PIK3C2G: variants seen among roughly 807,000 people sequenced by gnomAD.
The protein encoded by PIK3C2G is phosphatidylinositol 3-kinase C2 domain-containing subunit gamma.
In PIK3C2G, 168 loss-of-function variants were observed where a neutral mutation model predicts 181.1. The observed-to-expected ratio is 0.93, with a 90% CI of 0.82 to 1.05. The LOEUF (loss-of-function observed/expected upper bound fraction) is 1.05. Among genes scored for constraint, PIK3C2G ranks in the 50% least tolerant of loss-of-function variants. The pLI is 0.00. For synonymous variants in PIK3C2G, 573 were observed against 592.2 expected, an observed-to-expected ratio of 0.97 and a Z score of 0.47; for missense variants, 1,869 against 1,732.8, an observed-to-expected ratio of 1.08 and a Z score of -1.40.
intron 31 of PIK3C2G, among the ~76,000 whole-genome samples, chr12:18,614,567 G>A (rs947100225): frequency 3.3e-5 from 5 of 152,020 alleles, no homozygotes; most frequent in African/African-American, 9.7e-5. Context: ...CTTGGCTCTT[G>A]TAAATTTAAG....
chr12:18,718,891 G>C, the PIK3C2G span, among the ~76,000 whole-genome samples: 9 of 152,170 alleles, frequency 5.9e-5, no homozygotes, highest in Non-Finnish European at 7.4e-5. Context: ...CAGTATGATA[G>C]GTACATTGTT....
chr12:18,649,647 G>C (rs1950332060), downstream of PIK3C2G, among the ~76,000 whole-genome samples: 1 of 152,048 alleles, frequency 6.6e-6, no homozygotes. Context: ...ATTACAAGCA[G>C]GTATTTGCTC....
chr12:18,516,841 A>T (rs1260607510), intron 24 of PIK3C2G, among the ~76,000 whole-genome samples: 1 of 151,494 alleles, frequency 6.6e-6, no homozygotes, highest in East Asian at 1.9e-4. Context: ...TCTTTGTCAA[A>T]TTTTTTATTT....
At chr12:18,467,207 T>A (rs1411576667) in intron 18 of PIK3C2G, among the ~76,000 whole-genome samples, 2 of 152,034 alleles carry the variant, frequency 1.3e-5, no homozygotes, top group African/African-American at 2.4e-5. Context: ...TATCTCAGTT[T>A]GCTCAAAGCT....
At position 18,648,189 on chromosome 12, in the gene PIK3C2G, C is replaced by A; in HGVS notation, c.*161C>A. The A allele has an allele frequency of 2.6e-6, 1 of 380,890 alleles. No homozygotes were observed. Among genetic ancestry groups the A allele is most frequent in the African/African-American group, 2.1e-5 (1 of 48,332 alleles). 23.6% of individuals were successfully genotyped at this position (380,890 alleles called of 1,614,324 possible). ...ATTAGTCTTTTGTGTTGTTTATTTT[C>A]TACCTGTGCTTTCATTGTTTTTTCA... On this transcript the variant is annotated 3_prime_UTR_variant, in exon 33 of 33. Coordinates refer to ENST00000538779, the MANE Select transcript of PIK3C2G (RefSeq NM_001288772.2).
chr12:18,676,050 CA>C, the PIK3C2G span, among the ~76,000 whole-genome samples: 13 of 151,900 alleles, frequency 8.6e-5, no homozygotes, highest in African/African-American at 3.1e-4. Context: ...AAAATTATAC[CA>C]TCAACACGAG....
At chr12:18,622,283 C>T (rs114839636) in intron 31 of PIK3C2G, among the ~76,000 whole-genome samples, 2,698 of 151,918 alleles carry the variant, frequency 0.018, 97 homozygotes, top group African/African-American at 0.061. Flanking sequence ...GTTTTAGATT[C>T]CACATATAAG....
At chr12:18,360,612 T>C (rs1941151912) in intron 11 of PIK3C2G, among the ~76,000 whole-genome samples, 1 of 152,240 alleles carries the variant, frequency 6.6e-6, no homozygotes, top group Admixed American at 6.5e-5. Context: ...TCTTTCATCA[T>C]TTTTGAAGGA....
At chr12:18,610,902 A>G (rs1036598652) in intron 31 of PIK3C2G, among the ~76,000 whole-genome samples, 1 of 152,134 alleles carries the variant, frequency 6.6e-6, no homozygotes, top group African/African-American at 2.4e-5. Flanking sequence ...TTATTCCAGT[A>G]ATGTTATCAT....
rs374156637 is a variant in PIK3C2G, at chr12:18,641,767, A to T, written c.4308+1213A>T. Among the ~76,000 whole-genome samples, 338 of 77,440 alleles carry T rather than the reference A, an allele frequency of 4.4e-3. 2 individuals are homozygous for T. Among genetic ancestry groups the T allele is most frequent in the African/African-American group, 0.029 (316 of 10,878 alleles). The allele number at this position is 77,440 out of a possible 152,430, so 50.8% of individuals were successfully genotyped here. A position where few individuals can be genotyped will look rare whatever the true frequency, so the allele number is the denominator to read the frequency against. On this transcript the variant is annotated intron_variant, in intron 32 of 32. Coordinates refer to ENST00000538779, the MANE Select transcript of PIK3C2G (RefSeq NM_001288772.2). The stretch of plus-strand genomic sequence containing the variant: ...GCTTTTTTTTTTTTTTTTTTTTGAG[A>T]TGGAGCCCTTCACTCTGTGTCTAGC...
intron 20 of PIK3C2G, among the ~76,000 whole-genome samples, chr12:18,492,723 T>G (rs1014670592): frequency 2.6e-5 from 4 of 152,240 alleles, no homozygotes; most frequent in Non-Finnish European, 4.4e-5. Context: ...TATTGGCTGC[T>G]TGTTTTAAAG....
chr12:18,497,915 G>C (rs1941146387), intron 22 of PIK3C2G, among the ~76,000 whole-genome samples, 167 bp downstream of exon 22: 1 of 152,046 alleles, frequency 6.6e-6, no homozygotes, highest in Non-Finnish European at 1.5e-5. Context: ...AAAATGATAA[G>C]CCAACAGAAT....
In PIK3C2G at chr12:18,282,126, C is replaced by A. The variant is rs145139332; in HGVS notation, c.45C>A (p.His15Gln). ...WQTDPNPNES[H>Q]EKQYEHQEFL... ...CGGATCCAAATCCTAATGAATCACA[C>A]GAAAAGCAGTATGAACACCAAGAAT... The change falls in exon 2 of 33, where the codon CAC (histidine) becomes CAA (glutamine). Residue 15 changes from histidine (H) to glutamine (Q), a missense_variant. Coordinates refer to ENST00000538779, the MANE Select transcript of PIK3C2G (RefSeq NM_001288772.2). The A allele has an allele frequency of 6.2e-7, 1 of 1,607,112 alleles. No homozygotes were observed. Among genetic ancestry groups the A allele is most frequent in the Admixed American group, 1.7e-5 (1 of 58,854 alleles).
chr12:18,590,280 A>G (rs1048215530), intron 29 of PIK3C2G, among the ~76,000 whole-genome samples: 2 of 151,970 alleles, frequency 1.3e-5, no homozygotes, highest in African/African-American at 4.8e-5. Flanking sequence ...TGACACAGCC[A>G]AAAGGATGGC....
rs143721666 is a variant in PIK3C2G at position 18,610,358 on chromosome 12, C to G, written c.4182+729C>G. Among the ~76,000 whole-genome samples the G allele has an allele frequency of 9.2e-5, 14 of 152,214 alleles. No individual in the cohort carries two copies. In the East Asian group the frequency reaches 2.1e-3, roughly 23 times the overall value. On this transcript the variant is annotated intron_variant, in intron 31 of 32. Transcript: ENST00000538779. ...CACAATTTTTGCTCTCTTCTTTGTGCACATAAATCTCTGAGGATGCCTTTG... is the reference window on the plus strand; with the variant it reads ...CACAATTTTTGCTCTCTTCTTTGTGGACATAAATCTCTGAGGATGCCTTTG...
At chr12:18,604,136 G>C (rs1360605387) in intron 30 of PIK3C2G, among the ~76,000 whole-genome samples, 1 of 152,144 alleles carries the variant, frequency 6.6e-6, no homozygotes, top group Non-Finnish European at 1.5e-5. Flanking sequence ...ACCATCTGCT[G>C]CCTTCAGGAG....
At position 18,282,392 on chromosome 12, in the gene PIK3C2G, C is replaced by G; in HGVS notation, c.311C>G (p.Ala104Gly). Residue 104 changes from alanine to glycine, a missense_variant, in exon 2 of 33, where the codon GCA becomes GGA. Coordinates refer to ENST00000538779, the MANE Select transcript of PIK3C2G (RefSeq NM_001288772.2). ...CTCTCCTGGCATCAAGTTAGCAAAG[C>G]ACCAGCAATTGGTTTTAGTCCTTCT... ...RELSWHQVSK[A>G]PAIGFSPSVL... The G allele has an allele frequency of 1.2e-6, 2 of 1,613,296 alleles. No individual in the cohort carries two copies. Among genetic ancestry groups the G allele is most frequent in the Non-Finnish European group, 1.7e-6 (2 of 1,179,356 alleles).
the PIK3C2G span, among the ~76,000 whole-genome samples, chr12:18,692,546 T>C: frequency 8.6e-5 from 13 of 151,890 alleles, no homozygotes. Flanking sequence ...AAAGCTAAAA[T>C]AATAAGACGA....
At chr12:18,503,020 T>C (rs1592428734) in intron 22 of PIK3C2G, among the ~76,000 whole-genome samples, 2 of 152,318 alleles carry the variant, frequency 1.3e-5, no homozygotes, top group South Asian at 2.1e-4. Context: ...ATCATCAACA[T>C]TGGCTTGCTA....
Sources: allele counts gnomAD v4.1 joint callset (sites outside exome capture counted in the v4.1 genomes callset), GRCh38; gene constraint gnomAD v4.1.1; transcripts MANE v1.5; gene names NCBI Gene and HGNC (gene_info 2026-07-23, HGNC 2026-07-21).